PTPRU: variants seen among roughly 807,000 people sequenced by gnomAD.
The protein encoded by PTPRU is protein tyrosine phosphatase receptor type U.
In PTPRU, 69 loss-of-function variants were observed where a neutral mutation model predicts 166.3. That is an observed-to-expected ratio of 0.41 (90% CI 0.34 to 0.51). The LOEUF is 0.51. PTPRU is among the 20% of genes least tolerant of loss of function. The pLI is 0.09. For synonymous variants in PTPRU, 793 were observed against 814.0 expected (o/e 0.97, Z 0.44); for missense variants, 1,657 against 2,013.7 (o/e 0.82, Z 3.39).
intron 1 of PTPRU, among the ~76,000 whole-genome samples, chr1:29,247,294 T>C (rs75461687): frequency 6.4e-4 from 98 of 152,360 alleles, no homozygotes; most frequent in Non-Finnish European, 1.2e-3. Context: ...GTCATGCCCA[T>C]GATGGATGTG....
chr1:29,259,875 G>A lies in PTPRU; in HGVS notation c.681G>A (p.Gln227=). 6.5e-7 allele frequency: 1 copy of A among 1,530,432 alleles called. No individual in the cohort carries two copies. Among genetic ancestry groups the A allele is most frequent in the Non-Finnish European group, 8.7e-7 (1 of 1,144,918 alleles). 94.8% of individuals were successfully genotyped at this position (1,530,432 alleles called of 1,614,324 possible). The stretch of plus-strand genomic sequence containing the variant: ...CCTCACTCTCTTCCCTGCAGCGGCA[G>A]AGCGGGGCGCTGGTGCCGGCGGCGG... The part of the protein sequence containing the change: ...AEAERFLLQR[Q]SGALVPAAGV... The change falls in exon 6 of 30, where the codon CAG becomes CAA. Residue 227 remains glutamine, a synonymous_variant. Transcript: ENST00000373779.
At position 29,237,670 on chromosome 1, in the gene PTPRU, C is replaced by T. The variant is rs1377563170; in HGVS notation, c.73+953C>T. ...GCCCGAGGCTCAGGGGAGGACCGGG[C>T]CCCGCGGCCGCCGCCTCGGGCATGT... is the stretch of plus-strand genomic sequence containing the variant. On this transcript the variant is annotated intron_variant, in intron 1 of 29. Transcript: ENST00000373779. The surrounding 1 kb of genome is among the most constrained non-coding windows in gnomAD (Gnocchi z 6.4). 6.6e-6 allele frequency among the ~76,000 whole-genome samples: 1 copy of T among 151,240 alleles called. No individual in the cohort carries two copies. Among genetic ancestry groups the T allele is most frequent in the Non-Finnish European group, 1.5e-5 (1 of 67,672 alleles).
chr1:29,275,095 T>C (rs1685733487), intron 7 of PTPRU, among the ~76,000 whole-genome samples: 1 of 151,902 alleles, frequency 6.6e-6, no homozygotes, highest in Non-Finnish European at 1.5e-5. Context: ...TATTGTATAT[T>C]AGCCATTGTC....
At position 29,279,411 on chromosome 1, in the gene PTPRU, G is replaced by A. The variant is rs1174634078; in HGVS notation, c.1564-45G>A. 1.3e-6 allele frequency: 2 copies of A among 1,559,524 alleles called. No individual in the cohort carries two copies. The highest frequency in any genetic ancestry group is 1.7e-5 in the Admixed American group (1 of 59,944). On this transcript the variant is annotated intron_variant, in intron 9 of 29. Coordinates refer to ENST00000373779, the MANE Select transcript of PTPRU (RefSeq NM_133178.4). This position sits in a 1 kb window ranked among gnomAD's most constrained non-coding sequence, Gnocchi z 5.2. Reference sequence around the variant, plus strand: ...TGGGTGGAGGCTGCTGGTCAGGGATGCTCTGACCATCCAGTGCCCACCTGC... The same window carrying A: ...TGGGTGGAGGCTGCTGGTCAGGGATACTCTGACCATCCAGTGCCCACCTGC...
At position 29,320,405 on chromosome 1, in the gene PTPRU, C is replaced by T; in HGVS notation, c.3688-280C>T. ...GCTCGGCCAGCCTCTGCCTTGAGCTCAGCCTCATGCCCAAGCTCCCCTCGC... is the reference window on the plus strand; with the variant it reads ...GCTCGGCCAGCCTCTGCCTTGAGCTTAGCCTCATGCCCAAGCTCCCCTCGC... On this transcript the variant is annotated intron_variant, in intron 25 of 29. Coordinates refer to ENST00000373779, the MANE Select transcript of PTPRU (RefSeq NM_133178.4). This position sits in a 1 kb window ranked among gnomAD's most constrained non-coding sequence, Gnocchi z 5.2. The T allele has an allele frequency of 2.9e-6, 1 of 347,958 alleles. No homozygotes were observed. Among genetic ancestry groups the T allele is most frequent in the South Asian group, 1.4e-4 (1 of 7,322 alleles). The allele number at this position is 347,958 out of a possible 1,614,324, so 21.6% of individuals were successfully genotyped here.
chr1:29,249,582 G>C (rs573969286), intron 1 of PTPRU, among the ~76,000 whole-genome samples: 9 of 152,356 alleles, frequency 5.9e-5, no homozygotes, highest in Non-Finnish European at 1.0e-4. Flanking sequence ...AAGGGAGTGT[G>C]TGTGAACACT....
chr1:29,289,355 A>G (rs974483288), intron 14 of PTPRU, among the ~76,000 whole-genome samples: 2 of 152,054 alleles, frequency 1.3e-5, no homozygotes, highest in Non-Finnish European at 1.5e-5. Flanking sequence ...ATGAGTGTGT[A>G]TGTGAGCATA....
chr1:29,255,758 G>A lies in PTPRU; in HGVS notation c.205+352G>A, dbSNP rs1684750578. On this transcript the variant is annotated intron_variant, in intron 2 of 29. Coordinates refer to ENST00000373779, the MANE Select transcript of PTPRU (RefSeq NM_133178.4). ...TTCAGAGATTCTTTTCTCCCAAAGA[G>A]CCCCTGAATCCTGGTCTCTCCAGGA... is the stretch of plus-strand genomic sequence containing the variant. Among the ~76,000 whole-genome samples, 3 of 152,288 alleles carry A rather than the reference G, an allele frequency of 2.0e-5. 1 individual carries two copies. In the South Asian group the frequency reaches 6.2e-4, roughly 32 times the overall value.
At chr1:29,269,857 T>C (rs1412660103) in intron 7 of PTPRU, among the ~76,000 whole-genome samples, 1 of 152,108 alleles carries the variant, frequency 6.6e-6, no homozygotes, top group African/African-American at 2.4e-5. Context: ...CATTGGGATG[T>C]AGAAAGCATT....
chr1:29,302,189 G>A (rs2319405), intron 15 of PTPRU, among the ~76,000 whole-genome samples: 23,217 of 149,080 alleles, frequency 0.16, 1,892 homozygotes, highest in Admixed American at 0.19. Flanking sequence ...GTGTGTCTTA[G>A]TTTTTAACAA....
rs753493867 is a variant in PTPRU at position 29,284,809 on chromosome 1, C to T, written c.2258C>T (p.Ala753Val). ...EEMGLILGIC[A>V]GGLAVLILLL... is the part of the protein sequence containing the mutation. ...ATGGGGCTTATCCTGGGCATCTGTG[C>T]AGGGGGGCTTGCTGTCCTCATCCTT... Residue 753 changes from alanine (A) to valine (V), a missense_variant, in exon 14 of 30, where the codon GCA becomes GTA. By Grantham distance (64) the Ala-to-Val change is moderately conservative. Coordinates refer to ENST00000373779, the MANE Select transcript of PTPRU (RefSeq NM_133178.4). 1.8e-5 allele frequency: 29 copies of T among 1,613,848 alleles called. No homozygotes were observed. The highest frequency in any genetic ancestry group is 2.5e-5 in the Non-Finnish European group (29 of 1,179,844).
At chr1:29,277,466 A>C (rs1427230796) in intron 8 of PTPRU, among the ~76,000 whole-genome samples, 1 of 152,208 alleles carries the variant, frequency 6.6e-6, no homozygotes, top group Non-Finnish European at 1.5e-5. Flanking sequence ...CTGTAGTCAG[A>C]GTATATACTC....
At chr1:29,258,425 T>G in intron 2 of PTPRU, 80 bp from the exon 3 acceptor site, 2 of 1,485,930 alleles carry the variant, frequency 1.3e-6, no homozygotes, top group Admixed American at 2.0e-5. Flanking sequence ...CCTGGAGTCC[T>G]CCTCAGTGCT....
At position 29,279,234 on chromosome 1, in the gene PTPRU, A is replaced by G; in HGVS notation, c.1563+113A>G. The G allele has an allele frequency of 9.2e-7, 1 of 1,091,570 alleles. No individual in the cohort carries two copies. The highest frequency in any genetic ancestry group is 1.5e-5 in the South Asian group (1 of 67,180). 67.6% of individuals were successfully genotyped at this position (1,091,570 alleles called of 1,614,324 possible). ...ATGGGAGGACAGATGTGATTGTCAT[A>G]GTTTCTTCAACTATGGCCAGGTCTG... On this transcript the variant is annotated intron_variant, in intron 9 of 29. Coordinates refer to ENST00000373779, the MANE Select transcript of PTPRU (RefSeq NM_133178.4). This position sits in a 1 kb window ranked among gnomAD's most constrained non-coding sequence, Gnocchi z 5.2.
intron 18 of PTPRU, chr1:29,306,990 C>T (rs1029445168): frequency 1.8e-4 from 174 of 971,724 alleles, no homozygotes; most frequent in Middle Eastern, 4.4e-4. Context: ...CAGCCCAGCC[C>T]GGCCTGCCCG....
Position 29,260,088 on chromosome 1 carries a change from G to A in PTPRU, c.850+44G>A, listed in dbSNP as rs1365310232. ...GGGAGCGCCGGGACCTCACCCTCGAGGGGCGGGGCCGGCGACGGGGGCGGG... is the reference window on the plus strand; with the variant it reads ...GGGAGCGCCGGGACCTCACCCTCGAAGGGCGGGGCCGGCGACGGGGGCGGG... On this transcript the variant is annotated intron_variant, in intron 6 of 29. Transcript: ENST00000373779. The surrounding 1 kb of genome is among the most constrained non-coding windows in gnomAD (Gnocchi z 8.3). The A allele has an allele frequency of 3.6e-6, 5 of 1,372,072 alleles. No homozygotes were observed. The African/African-American group carries it at 7.6e-5, about 21-fold the overall frequency. The allele number at this position is 1,372,072 out of a possible 1,614,324, so 85.0% of individuals were successfully genotyped here.
chr1:29,240,817 G>A (rs1684018160), intron 1 of PTPRU, among the ~76,000 whole-genome samples: 1 of 149,186 alleles, frequency 6.7e-6, no homozygotes, highest in Non-Finnish European at 1.5e-5. Flanking sequence ...AGGGCCCTGT[G>A]TTAGGAGAGG....
intron 16 of PTPRU, among the ~76,000 whole-genome samples, 170 bp downstream of exon 16, chr1:29,304,215 G>T (rs1687278006): frequency 1.3e-5 from 2 of 152,132 alleles, no homozygotes. Context: ...CCTAATTTTA[G>T]ACTGATTTGG....
intron 22 of PTPRU, among the ~76,000 whole-genome samples, chr1:29,312,975 G>A (rs1174140351): frequency 6.6e-6 from 1 of 152,168 alleles, no homozygotes; most frequent in Admixed American, 6.5e-5. Flanking sequence ...CCTCCGGGCC[G>A]CTGAGGCGCC....
Sources: allele counts gnomAD v4.1 joint callset (sites outside exome capture counted in the v4.1 genomes callset), GRCh38; gene constraint gnomAD v4.1.1; non-coding constraint Gnocchi (gnomAD v3.1); transcripts MANE v1.5; gene names NCBI Gene and HGNC (gene_info 2026-07-23, HGNC 2026-07-21).